The following NR2C1 variants were observed in gnomAD, a reference collection of about 807,000 sequenced individuals.
NR2C1 encodes the protein TR2 nuclear hormone receptor.
NR2C1 carries 33 observed loss-of-function variants against 74.8 expected under a neutral mutation model. That is an observed-to-expected ratio of 0.44 (90% confidence interval 0.33 to 0.59). The LOEUF (loss-of-function observed/expected upper bound fraction) is 0.59, where lower values mean the gene tolerates loss of function less well. Among genes scored for constraint, NR2C1 ranks in the 20% least tolerant of loss-of-function variants. The pLI is 0.02. For missense variants in NR2C1, 568 were observed against 715.6 expected (o/e 0.79, Z 2.35); for synonymous variants, 225 against 240.6 (o/e 0.94, Z 0.60).
At chr12:95,068,276 C>A (rs1033789400) in intron 1 of NR2C1, among the ~76,000 whole-genome samples, 2 of 152,204 alleles carry the variant, frequency 1.3e-5, no homozygotes, top group Non-Finnish European at 2.9e-5. Context: ...TTACGGTACA[C>A]TCTAATGAAC....
intron 2 of NR2C1, among the ~76,000 whole-genome samples, chr12:95,063,997 C>G (rs1875215849): frequency 1.4e-5 from 2 of 141,934 alleles, no homozygotes; most frequent in Admixed American, 7.3e-5. Context: ...CCACTACACT[C>G]CAGCCTGGGC....
intron 1 of NR2C1, among the ~76,000 whole-genome samples, chr12:95,071,201 CAA>C (rs779085122): frequency 0.02 from 1,866 of 94,008 alleles, 27 homozygotes; most frequent in African/African-American, 0.063. Flanking sequence ...AACTCCGTCT[CAA>C]AAAAAAAAAA....
At chr12:95,030,644 G>T in intron 11 of NR2C1, 2 of 1,611,556 alleles carry the variant, frequency 1.2e-6, no homozygotes, top group Non-Finnish European at 1.7e-6. Context: ...TAAACATAAG[G>T]AGGAAGCAAA....
chr12:95,044,643 G>T (rs941309880), intron 9 of NR2C1, among the ~76,000 whole-genome samples: 1 of 151,928 alleles, frequency 6.6e-6, no homozygotes, highest in Admixed American at 6.6e-5. Flanking sequence ...CCAGCACTTT[G>T]GGGGGGCCGA....
intron 7 of NR2C1, 89 bp from the exon 8 acceptor site, chr12:95,052,032 A>G: frequency 1.2e-6 from 1 of 810,428 alleles, no homozygotes; most frequent in South Asian, 2.4e-5. Context: ...TGATATGCCA[A>G]CAAAAGAACA....
intron 2 of NR2C1, among the ~76,000 whole-genome samples, chr12:95,063,233 G>C (rs1390191322): frequency 6.6e-6 from 1 of 152,192 alleles, no homozygotes; most frequent in Non-Finnish European, 1.5e-5. Flanking sequence ...TTTTTGCAAA[G>C]GCCTGAGTGA....
At chr12:95,067,035 C>A in intron 2 of NR2C1, 1 of 394,956 alleles carries the variant, frequency 2.5e-6, no homozygotes, top group Non-Finnish European at 4.5e-6. Flanking sequence ...AAAAGAATTC[C>A]CTCAAAAGCA....
Position 95,051,929 on chromosome 12 carries a change from C to A in NR2C1, c.798G>T (p.Gln266His), listed in dbSNP as rs1456536204. The A allele has an allele frequency of 3.8e-6, 6 of 1,577,542 alleles. No homozygotes were observed. Among genetic ancestry groups the A allele is most frequent in the Non-Finnish European group, 5.1e-6 (6 of 1,167,164 alleles). The change falls in exon 8 of 14, where the codon CAG becomes CAT. Residue 266 changes from glutamine to histidine, a missense_variant. By Grantham distance (24) the Gln-to-His change is conservative (BLOSUM62 0). This residue lies in a region of NR2C1 where 239 missense variants were observed against 232.3 expected (regional missense o/e 1.03). Coordinates refer to ENST00000333003, the MANE Select transcript of NR2C1 (RefSeq NM_003297.4). ...LMTSDKAESC[Q>H]GDLSTLANVV... ...CATTGGCCAATGTACTTAAATCTCC[C>A]TGACATGATTCAGCCTTTAAAAAAA...
chr12:95,029,558 C>CA (rs1565834034), intron 11 of NR2C1, among the ~76,000 whole-genome samples: 1 of 122,598 alleles, frequency 8.2e-6, no homozygotes, highest in African/African-American at 3.2e-5. Context: ...TGTAATGGTT[C>CA]CTTTTTTTTT....
At chr12:95,031,889 ACAGAGTCTTG>A (rs1870157398) in intron 10 of NR2C1, among the ~76,000 whole-genome samples, 1 of 152,214 alleles carries the variant, frequency 6.6e-6, no homozygotes, top group Non-Finnish European at 1.5e-5. Context: ...TTGTTTTGAG[ACAGAGTCTTG>A]CTCTGTTGCC....
chr12:95,066,839 T>C, intron 2 of NR2C1: 1 of 154,836 alleles, frequency 6.5e-6, no homozygotes, highest in East Asian at 1.9e-4. Context: ...TTCAGTATTA[T>C]TATAAAAATG....
intron 9 of NR2C1, among the ~76,000 whole-genome samples, chr12:95,042,355 G>A (rs367791105): frequency 1.4e-4 from 21 of 151,748 alleles, no homozygotes; most frequent in East Asian, 1.4e-3. Flanking sequence ...GACTACAGGC[G>A]TGTGCCACCA....
intron 4 of NR2C1, among the ~76,000 whole-genome samples, 182 bp downstream of exon 4, chr12:95,059,724 T>C (rs1164662499): frequency 1.3e-5 from 2 of 151,984 alleles, no homozygotes; most frequent in Non-Finnish European, 2.9e-5. Flanking sequence ...CAAAGAACTC[T>C]GGGAAAAAAT....
At chr12:95,043,533 C>T (rs1370233037) in intron 9 of NR2C1, among the ~76,000 whole-genome samples, 1 of 151,398 alleles carries the variant, frequency 6.6e-6, no homozygotes, top group East Asian at 2.0e-4. Context: ...ACTAAAAATA[C>T]AAAAAATTAG....
At chr12:95,025,595 T>A (rs1303737459) in intron 12 of NR2C1, among the ~76,000 whole-genome samples, 1 of 147,012 alleles carries the variant, frequency 6.8e-6, no homozygotes, top group Non-Finnish European at 1.5e-5. Context: ...GAGGCAGAGG[T>A]TGCTGTGAGC....
intron 12 of NR2C1, among the ~76,000 whole-genome samples, chr12:95,027,445 T>C (rs990664690): frequency 3.9e-5 from 6 of 152,130 alleles, no homozygotes; most frequent in Non-Finnish European, 8.8e-5. Context: ...CAATTTAAAG[T>C]ATACAATTCA....
rs1329285061 is a variant in NR2C1, at chr12:95,058,363, C to T, written c.491G>A (p.Arg164His). The T allele has an allele frequency of 2.0e-5, 32 of 1,613,400 alleles. No individual in the cohort carries two copies. Among genetic ancestry groups the T allele is most frequent in the Non-Finnish European group, 2.6e-5 (31 of 1,179,928 alleles). Residue 164 changes from arginine (R) to histidine (H), a missense_variant, in exon 5 of 14, where the codon CGC becomes CAC. Physicochemically the swap from Arg to His is conservative, Grantham distance 29. Transcript: ENST00000333003. ...DCIINKHHRN[R>H]CQYCRLQRCI... ...TCTCTGTAACCTGCAGTATTGACAG[C>T]GGTTTCGGTGGTGCTTATTAATAAT...
At chr12:95,051,978 G>A in intron 7 of NR2C1, 35 bp from the exon 8 acceptor site, 1 of 1,388,268 alleles carries the variant, frequency 7.2e-7, no homozygotes, top group African/African-American at 1.5e-5. Flanking sequence ...TCTGTGAATT[G>A]GTATCACTAT....
chr12:95,026,068 G>C (rs1367094274), intron 12 of NR2C1, among the ~76,000 whole-genome samples: 1 of 151,878 alleles, frequency 6.6e-6, no homozygotes, highest in Non-Finnish European at 1.5e-5. Context: ...TTAGCTGGGT[G>C]TGGTGGCAGG....
Sources: allele counts gnomAD v4.1 joint callset (sites outside exome capture counted in the v4.1 genomes callset), GRCh38; gene constraint gnomAD v4.1.1; regional missense constraint gnomAD v4.1.1; transcripts MANE v1.5; gene names NCBI Gene and HGNC (gene_info 2026-07-23, HGNC 2026-07-21).